DRC5: variants seen among roughly 807,000 people sequenced by gnomAD.
DRC5 encodes dynein regulatory complex subunit 5.
the DRC5 span, among the ~76,000 whole-genome samples, chr6:44,293,504 G>C: frequency 6.6e-6 from 1 of 152,090 alleles, no homozygotes; most frequent in Admixed American, 6.6e-5. Flanking sequence ...ATGGAGCTAG[G>C]ATGGGCTTTC....
the DRC5 span, chr6:44,285,881 A>T: frequency 8.0e-7 from 1 of 1,257,646 alleles, no homozygotes; most frequent in East Asian, 2.3e-5. Flanking sequence ...GGAAGAAGGC[A>T]ATAATAGAGG....
At chr6:44,282,245 C>T in the DRC5 span, 1 of 1,614,098 alleles carries the variant, frequency 6.2e-7, no homozygotes, top group African/African-American at 1.3e-5. Context: ...ACTTGTTGGT[C>T]TGCAAGGCAT....
chr6:44,287,283 G>A, the DRC5 span: 10 of 974,696 alleles, frequency 1.0e-5, no homozygotes, highest in Non-Finnish European at 1.2e-5. Context: ...GGTTTTGCTG[G>A]AGAGAGTAGA....
chr6:44,288,993 C>CAAAAAAAAAAAAAA, the DRC5 span, among the ~76,000 whole-genome samples: 6 of 32,822 alleles, frequency 1.8e-4, 1 homozygote, highest in African/African-American at 4.9e-4. Context: ...GACTCTGTCT[C>CAAAAAAAAAAAAAA]AAAAAAAAAA....
the DRC5 span, chr6:44,279,411 C>A: frequency 6.6e-6 from 1 of 152,200 alleles, no homozygotes; most frequent in Non-Finnish European, 1.5e-5. Flanking sequence ...ACAAATCAAA[C>A]TGGTGGATAA....
At chr6:44,283,091 C>T in the DRC5 span, among the ~76,000 whole-genome samples, 3 of 152,262 alleles carry the variant, frequency 2.0e-5, no homozygotes, top group Non-Finnish European at 4.4e-5. Flanking sequence ...CGTGAGCCAC[C>T]GCGCCCGGCC....
At chr6:44,295,484 C>G in the DRC5 span, among the ~76,000 whole-genome samples, 15 of 152,316 alleles carry the variant, frequency 9.8e-5, no homozygotes, top group Admixed American at 9.8e-4. Context: ...AAATCACACA[C>G]AGGGAACAAC....
the DRC5 span, chr6:44,281,983 ACAGTATGTGTGCATACTTGATG>A: frequency 1.1e-6 from 1 of 871,226 alleles, no homozygotes; most frequent in South Asian, 1.8e-5. Flanking sequence ...ATTGGGATAC[ACAGTATGTGTGCATACTTGATG>A]CAGTATGTAG....
the DRC5 span, among the ~76,000 whole-genome samples, chr6:44,294,229 G>A: frequency 1.3e-5 from 2 of 152,044 alleles, no homozygotes; most frequent in Admixed American, 6.5e-5. Context: ...TGATCTGCCC[G>A]CCTTGGCCTC....
At chr6:44,280,013 G>T in the DRC5 span, 1 of 626,812 alleles carries the variant, frequency 1.6e-6, no homozygotes, top group South Asian at 2.2e-5. Context: ...CCCCATGCCA[G>T]GCTCCCTTCC....
At chr6:44,282,073 C>T in the DRC5 span, 1 of 1,585,486 alleles carries the variant, frequency 6.3e-7, no homozygotes, top group Non-Finnish European at 8.6e-7. Flanking sequence ...AGTTGGATTC[C>T]ACACCCACCC....
the DRC5 span, among the ~76,000 whole-genome samples, chr6:44,293,441 C>T: frequency 1.6e-4 from 24 of 151,936 alleles, no homozygotes; most frequent in South Asian, 4.6e-3. Flanking sequence ...AGTGAGATGC[C>T]GTCTCTAAAA....
chr6:44,279,799 GA>G, the DRC5 span: 1 of 186,946 alleles, frequency 5.3e-6, no homozygotes. Context: ...GTGTGTGTTT[GA>G]AGATCAAGGA....
At chr6:44,288,716 G>A in the DRC5 span, among the ~76,000 whole-genome samples, 1 of 152,140 alleles carries the variant, frequency 6.6e-6, no homozygotes, top group South Asian at 2.1e-4. Context: ...AAACAAGGCT[G>A]GGCGTGGTGG....
At chr6:44,286,263 G>A in the DRC5 span, 2,647 of 1,612,794 alleles carry the variant, frequency 1.6e-3, 59 homozygotes, top group South Asian at 0.027. Flanking sequence ...TTCCGGCAGA[G>A]CGGCAGCAGG....
the DRC5 span, among the ~76,000 whole-genome samples, chr6:44,290,912 C>G: frequency 6.6e-6 from 1 of 152,190 alleles, no homozygotes; most frequent in Non-Finnish European, 1.5e-5. Context: ...TCAGGTGACT[C>G]TAGTCCCACC....
chr6:44,294,315 T>C, the DRC5 span, among the ~76,000 whole-genome samples: 4 of 152,214 alleles, frequency 2.6e-5, no homozygotes, highest in Admixed American at 6.5e-5. Context: ...GTAGAAGTTG[T>C]AATATATTGT....
the DRC5 span, chr6:44,282,164 G>T: frequency 1.6e-5 from 26 of 1,614,056 alleles, no homozygotes; most frequent in Non-Finnish European, 2.1e-5. Flanking sequence ...TGTTGATGGC[G>T]AGCACCTGTG....
the DRC5 span, among the ~76,000 whole-genome samples, chr6:44,284,376 G>A: frequency 2.0e-5 from 3 of 151,654 alleles, no homozygotes; most frequent in African/African-American, 7.3e-5. Flanking sequence ...GAGACCACAT[G>A]CCAGGCCTCT....
Sources: allele counts gnomAD v4.1 joint callset (sites outside exome capture counted in the v4.1 genomes callset), GRCh38; gene constraint gnomAD v4.1.1; transcripts MANE v1.5; gene names NCBI Gene and HGNC (gene_info 2026-07-23, HGNC 2026-07-21).